The following CFAP46 variants were observed in gnomAD, a reference collection of about 807,000 sequenced individuals.
CFAP46 encodes cilia and flagella associated protein 46.
In CFAP46, 245 loss-of-function variants were observed where a neutral mutation model predicts 325.7. The observed-to-expected ratio is 0.75, with a 90% confidence interval of 0.68 to 0.84. CFAP46 has a LOEUF of 0.84. Ranked by LOEUF, CFAP46 falls within the 40% of genes least tolerant of loss-of-function variation. The pLI, the probability that CFAP46 is intolerant of heterozygous loss-of-function variation, is 0.00. For synonymous variants in CFAP46, 1,523 were observed against 1,495.9 expected, an observed-to-expected ratio of 1.02 and a Z score of -0.42; for missense variants, 3,346 against 3,543.0, an observed-to-expected ratio of 0.94 and a Z score of 1.41.
chr10:132,857,709 C>T lies in CFAP46; in HGVS notation c.5455G>A (p.Val1819Ile), dbSNP rs767961171. 1.2e-5 allele frequency: 19 copies of T among 1,612,536 alleles called. No homozygotes were observed. The highest frequency in any genetic ancestry group is 5.0e-5 in the Admixed American group (3 of 59,842). ...TGAAGCCTCCCTTCTTCCTCAGCTA[C>T]GGCACCCTGGGCCAGGCCATACGCT... is the stretch of plus-strand genomic sequence containing the variant. ...LEAYGLAQGAVAEEEGRLHSI... is the reference protein window; with the variant it reads ...LEAYGLAQGAIAEEEGRLHSI... The change falls in exon 39 of 58, where the codon GTA becomes ATA. Residue 1819 changes from valine (V) to isoleucine (I), a missense_variant. Physicochemically the swap from Val to Ile is conservative, Grantham distance 29. Coordinates refer to ENST00000368586, the MANE Select transcript of CFAP46 (RefSeq NM_001200049.3).
At chr10:132,865,636 C>T (rs972383204) in intron 35 of CFAP46, among the ~76,000 whole-genome samples, 6 of 152,212 alleles carry the variant, frequency 3.9e-5, no homozygotes, top group Admixed American at 2.0e-4. Flanking sequence ...GCCCCGCACA[C>T]AATCCGCCTT....
At position 132,810,478 on chromosome 10, in the gene CFAP46, C is replaced by A. The variant is rs34414902; in HGVS notation, c.7595G>T (p.Arg2532Leu). 21 of 1,613,544 alleles carry A rather than the reference C, an allele frequency of 1.3e-5. No homozygotes were observed. Among genetic ancestry groups the A allele is most frequent in the Non-Finnish European group, 1.7e-5 (20 of 1,179,892 alleles). The part of the protein sequence containing the change: ...ESVEHRRSVG[R>L]WEANWRNSAS... Reference sequence around the variant, plus strand: ...ACTGTTTCTCCAATTGGCTTCCCAACGGCCAACAGATCTAGGGGAGAAACG... The same window carrying A: ...ACTGTTTCTCCAATTGGCTTCCCAAAGGCCAACAGATCTAGGGGAGAAACG... Residue 2532 changes from arginine (R) to leucine (L), a missense_variant, in exon 57 of 58, where the codon CGT (arginine) becomes CTT (leucine). Arg to Leu is a moderately radical substitution (Grantham distance 102). Coordinates refer to ENST00000368586, the MANE Select transcript of CFAP46 (RefSeq NM_001200049.3).
Position 132,877,914 on chromosome 10 carries a change from C to T in CFAP46, c.4179G>A (p.Lys1393=), listed in dbSNP as rs1474270621. 3 of 1,550,476 alleles carry T rather than the reference C, an allele frequency of 1.9e-6. No homozygotes were observed. The South Asian group carries it at 3.6e-5, about 18-fold the overall frequency. ...GCTCCTTGACTTTCTCCTCCTTTCC[C>T]TTCTCCTTGTCCTTCTCTTTACTCC... The part of the protein sequence containing the change: ...NERSKEKDKE[K]GKEEKVKEPK... Residue 1393 remains lysine, a synonymous_variant, in exon 30 of 58, where the codon AAG becomes AAA. Transcript: ENST00000368586. The surrounding 1 kb of genome is among the most constrained non-coding windows in gnomAD (Gnocchi z 5.7).
In CFAP46 at chr10:132,811,036, C is replaced by A. The variant is rs370178549; in HGVS notation, c.7502-5G>T. On this transcript the variant is annotated splice_polypyrimidine_tract_variant and splice_region_variant and intron_variant, in intron 55 of 57. Coordinates refer to ENST00000368586, the MANE Select transcript of CFAP46 (RefSeq NM_001200049.3). ...GCAGGACTGCCACCTGGCACTCTGCCGGGACGGGAAGGGCAGCTCAGCAGC... is the reference window on the plus strand; with the variant it reads ...GCAGGACTGCCACCTGGCACTCTGCAGGGACGGGAAGGGCAGCTCAGCAGC... The A allele has an allele frequency of 6.6e-5, 105 of 1,584,520 alleles. No individual in the cohort carries two copies. In the African/African-American group the frequency reaches 1.2e-3, roughly 18 times the overall value.
At chr10:132,833,967 TG>T in intron 49 of CFAP46, 73 bp downstream of exon 49, 1 of 1,403,800 alleles carries the variant, frequency 7.1e-7, no homozygotes, top group Non-Finnish European at 1.0e-6. Context: ...CCCGGATGGG[TG>T]GGTGGATCCC....
chr10:132,887,705 CT>C (rs1269416399), intron 25 of CFAP46, among the ~76,000 whole-genome samples: 2 of 121,378 alleles, frequency 1.6e-5, no homozygotes, highest in African/African-American at 3.5e-5. Context: ...CCTCTCCTCT[CT>C]CTCTCCGCTC....
intron 25 of CFAP46, among the ~76,000 whole-genome samples, chr10:132,888,265 C>T (rs1849196280): frequency 6.6e-6 from 1 of 151,712 alleles, no homozygotes. Context: ...CACCCTGCCA[C>T]CCCTCACCTG....
intron 55 of CFAP46, among the ~76,000 whole-genome samples, chr10:132,811,600 G>A (rs1279199483): frequency 6.6e-6 from 1 of 152,218 alleles, no homozygotes; most frequent in Non-Finnish European, 1.5e-5. Flanking sequence ...CCTGGGCGCT[G>A]CCCACTTCCA....
chr10:132,888,712 ACCCCTGCCG>A (rs1849212128), intron 25 of CFAP46, among the ~76,000 whole-genome samples: 1 of 79,084 alleles, frequency 1.3e-5, no homozygotes, highest in Non-Finnish European at 2.4e-5. Context: ...TGCCGCCTGC[ACCCCTGCCG>A]CCTGCACCTG....
chr10:132,865,559 TC>T (rs1257120039), intron 35 of CFAP46, among the ~76,000 whole-genome samples: 2 of 151,948 alleles, frequency 1.3e-5, no homozygotes, highest in African/African-American at 4.8e-5. Flanking sequence ...ACCGTAAGGG[TC>T]CCATCCAGGG....
rs759469049 is a variant in CFAP46, at chr10:132,929,836, C to T, written c.867-32G>A. 7 of 1,529,396 alleles carry T rather than the reference C, an allele frequency of 4.6e-6. No homozygotes were observed. The African/African-American group carries it at 6.8e-5, about 15-fold the overall frequency. 94.7% of individuals were successfully genotyped at this position (1,529,396 alleles called of 1,614,324 possible). A position where few individuals can be genotyped will look rare whatever the true frequency, so the allele number is the denominator to read the frequency against. ...ACAAACAAACCAGCCAGCACCGGCT[C>T]AATAGGGGGCACAGGAAACATGGCT... On this transcript the variant is annotated intron_variant, in intron 8 of 57. Coordinates refer to ENST00000368586, the MANE Select transcript of CFAP46 (RefSeq NM_001200049.3).
chr10:132,924,271 G>A (rs546485704), intron 11 of CFAP46, among the ~76,000 whole-genome samples: 46 of 151,786 alleles, frequency 3.0e-4, no homozygotes, highest in African/African-American at 9.9e-4. Flanking sequence ...GATGCCTGCC[G>A]CCTGCTGCCA....
intron 3 of CFAP46, 101 bp from the exon 4 acceptor site, chr10:132,941,161 C>T: frequency 8.7e-7 from 1 of 1,149,630 alleles, no homozygotes; most frequent in Non-Finnish European, 1.3e-6. Context: ...CCTGGTACCC[C>T]CTGTGTGTCA....
At position 132,810,927 on chromosome 10, in the gene CFAP46, ACCCGTT is replaced by A; in HGVS notation, c.7583+17_7583+22del. 6.4e-7 allele frequency: 1 copy of A among 1,568,964 alleles called. No homozygotes were observed. The highest frequency in any genetic ancestry group is 1.2e-5 in the South Asian group (1 of 85,610). Reference sequence around the variant, plus strand: ...CTCTCCATCCTCAGCATCCCTGCCCACCCGTTCCAGGCAGCCAGGCACCTCCTGTGC... The same window carrying A: ...CTCTCCATCCTCAGCATCCCTGCCCACCAGGCAGCCAGGCACCTCCTGTGC... On this transcript the variant is annotated intron_variant, in intron 56 of 57. Transcript: ENST00000368586.
In CFAP46 at chr10:132,889,998, T is replaced by C. The variant is rs1006921608; in HGVS notation, c.3304+2335A>G. 5.3e-5 allele frequency among the ~76,000 whole-genome samples: 8 copies of C among 152,260 alleles called. No homozygotes were observed. The highest frequency in any genetic ancestry group is 1.7e-4 in the African/African-American group (7 of 41,476). On this transcript the variant is annotated intron_variant, in intron 25 of 57. Transcript: ENST00000368586. The surrounding 1 kb of genome is among the most constrained non-coding windows in gnomAD (Gnocchi z 6.0). Reference sequence around the variant, plus strand: ...TTTTCGTATCTGTGAAAAGTGCTCCTTTCCACAAAATCTCTGCTATGCTCA... The same window carrying C: ...TTTTCGTATCTGTGAAAAGTGCTCCCTTCCACAAAATCTCTGCTATGCTCA...
intron 24 of CFAP46, chr10:132,898,515 C>T: frequency 3.2e-6 from 1 of 314,704 alleles, no homozygotes; most frequent in Admixed American, 4.7e-5. Flanking sequence ...GGCTCCACTC[C>T]CCGCCACCCC....
At chr10:132,836,575 G>A (rs911715858) in intron 45 of CFAP46, among the ~76,000 whole-genome samples, 1 of 152,236 alleles carries the variant, frequency 6.6e-6, no homozygotes. Flanking sequence ...GCCCAGACCA[G>A]ACACAAAGAC....
chr10:132,823,920 T>A (rs1847961012), intron 50 of CFAP46, among the ~76,000 whole-genome samples: 1 of 143,262 alleles, frequency 7.0e-6, no homozygotes, highest in Non-Finnish European at 1.5e-5. Flanking sequence ...CGCTGATGTG[T>A]GTGTGTGCTG....
intron 19 of CFAP46, among the ~76,000 whole-genome samples, chr10:132,910,959 C>T (rs1436324911): frequency 6.6e-6 from 1 of 152,220 alleles, no homozygotes; most frequent in Admixed American, 6.5e-5. Flanking sequence ...TCACACTCTC[C>T]GCCATTCACT....
Sources: allele counts gnomAD v4.1 joint callset (sites outside exome capture counted in the v4.1 genomes callset), GRCh38; gene constraint gnomAD v4.1.1; non-coding constraint Gnocchi (gnomAD v3.1); transcripts MANE v1.5; gene names NCBI Gene and HGNC (gene_info 2026-07-23, HGNC 2026-07-21).